RSRC1: variants seen among roughly 807,000 people sequenced by gnomAD.
RSRC1 encodes arginine and serine rich coiled-coil 1, also known as serine/Arginine-related protein 53.
RSRC1 carries 39 observed loss-of-function variants against 49.1 expected under a neutral mutation model. That is an observed-to-expected ratio of 0.79 (90% CI 0.61 to 1.04). The LOEUF (loss-of-function observed/expected upper bound fraction) is 1.04. Among genes scored for constraint, RSRC1 ranks in the 50% least tolerant of loss-of-function variants. The probability of loss-of-function intolerance (pLI) is 0.00; values close to 1 mark genes in which losing one functional copy is unlikely to be tolerated. For synonymous variants in RSRC1, 143 were observed against 130.8 expected, an observed-to-expected ratio of 1.09 and a Z score of -0.63; for missense variants, 388 against 402.4, an observed-to-expected ratio of 0.96 and a Z score of 0.31.
At chr3:158,124,298 C>T (rs534645484) in intron 3 of RSRC1, among the ~76,000 whole-genome samples, 6 of 152,074 alleles carry the variant, frequency 3.9e-5, no homozygotes, top group South Asian at 2.1e-4. Context: ...GGTGGTAGCA[C>T]GTGCGTTCCC....
intron 7 of RSRC1, among the ~76,000 whole-genome samples, chr3:158,508,070 G>A (rs921133215): frequency 2.6e-5 from 4 of 151,956 alleles, no homozygotes; most frequent in Admixed American, 1.3e-4. Context: ...GAGAGAGAGA[G>A]TCTGTCTACA....
chr3:158,403,395 T>C (rs1733991593), intron 6 of RSRC1, among the ~76,000 whole-genome samples: 1 of 151,770 alleles, frequency 6.6e-6, no homozygotes, highest in African/African-American at 2.4e-5. Flanking sequence ...TTTTGGTGAA[T>C]TATGGGGGTT....
rs115928050 is a variant in RSRC1 at position 158,246,563 on chromosome 3, C to G, written c.494+43318C>G. Among the ~76,000 whole-genome samples, 356 of 152,202 alleles carry G rather than the reference C, an allele frequency of 2.3e-3. 3 individuals carry two copies. The highest frequency in any genetic ancestry group is 4.5e-3 in the Non-Finnish European group (304 of 68,004). On this transcript the variant is annotated intron_variant, in intron 4 of 9. Transcript: ENST00000611884. ...AGTGTGCTTCCTTCAAGAGCCCTTA[C>G]AAGGCAGGTCTGGTGGTAATGAATT...
intron 6 of RSRC1, among the ~76,000 whole-genome samples, chr3:158,430,428 C>T (rs1735721906): frequency 6.6e-6 from 1 of 151,770 alleles, no homozygotes; most frequent in African/African-American, 2.4e-5. Context: ...GTTAGCTGCT[C>T]TCTGGCTACC....
At chr3:158,343,048 C>G (rs1365877299) in intron 5 of RSRC1, among the ~76,000 whole-genome samples, 1 of 152,200 alleles carries the variant, frequency 6.6e-6, no homozygotes, top group East Asian at 1.9e-4. Flanking sequence ...GAGATCCTCA[C>G]AGGGTGCCCC....
At chr3:158,161,500 G>A (rs577373204) in intron 3 of RSRC1, among the ~76,000 whole-genome samples, 10 of 152,286 alleles carry the variant, frequency 6.6e-5, no homozygotes, top group South Asian at 4.1e-4. Flanking sequence ...TGTGGCTCAC[G>A]CCTGTAATCC....
intron 4 of RSRC1, among the ~76,000 whole-genome samples, chr3:158,257,214 C>G (rs1005378053): frequency 1.3e-5 from 2 of 152,090 alleles, no homozygotes; most frequent in Non-Finnish European, 2.9e-5. Flanking sequence ...GCATTTAGTA[C>G]TATAAATTTC....
chr3:158,129,827 G>A (rs1484252827), intron 3 of RSRC1, among the ~76,000 whole-genome samples: 1 of 152,138 alleles, frequency 6.6e-6, no homozygotes, highest in Non-Finnish European at 1.5e-5. Flanking sequence ...TCAAAAGCTT[G>A]CTGGGACTTT....
chr3:158,166,691 A>C (rs973509123), intron 3 of RSRC1, among the ~76,000 whole-genome samples: 2 of 152,170 alleles, frequency 1.3e-5, no homozygotes, highest in African/African-American at 4.8e-5. Context: ...TTAGGAACTG[A>C]CTTAATTACT....
chr3:158,368,499 C>T (rs150933196), intron 6 of RSRC1, among the ~76,000 whole-genome samples: 273 of 152,336 alleles, frequency 1.8e-3, no homozygotes, highest in Non-Finnish European at 3.5e-3. Flanking sequence ...TGACAGGGAG[C>T]AGGTTCCCTT....
At chr3:158,171,714 C>T (rs1718892770) in intron 3 of RSRC1, among the ~76,000 whole-genome samples, 1 of 152,018 alleles carries the variant, frequency 6.6e-6, no homozygotes, top group Non-Finnish European at 1.5e-5. Flanking sequence ...CTTTGGGAGG[C>T]TCAGGCAGGA....
intron 4 of RSRC1, among the ~76,000 whole-genome samples, chr3:158,260,157 A>G (rs1724808152): frequency 6.6e-6 from 1 of 151,652 alleles, no homozygotes; most frequent in African/African-American, 2.4e-5. Context: ...AGTCTCTTCC[A>G]ATAGCCACCA....
chr3:158,148,786 C>CTTT (rs555372660), intron 3 of RSRC1, among the ~76,000 whole-genome samples: 1 of 145,566 alleles, frequency 6.9e-6, no homozygotes, highest in African/African-American at 2.5e-5. Context: ...CGAATATATA[C>CTTT]TTTTTTTTTT....
At chr3:158,195,034 T>A (rs973706246) in intron 3 of RSRC1, among the ~76,000 whole-genome samples, 3 of 152,240 alleles carry the variant, frequency 2.0e-5, no homozygotes, top group African/African-American at 2.4e-5. Flanking sequence ...GGCTGGGTCA[T>A]ATGGTATTTC....
intron 3 of RSRC1, among the ~76,000 whole-genome samples, chr3:158,187,911 A>G (rs917385382): frequency 1.3e-5 from 2 of 152,006 alleles, no homozygotes; most frequent in African/African-American, 2.4e-5. Context: ...TTCAAATAAC[A>G]GATATATAAA....
At chr3:158,221,843 A>T (rs1722236509) in intron 4 of RSRC1, among the ~76,000 whole-genome samples, 2 of 151,544 alleles carry the variant, frequency 1.3e-5, no homozygotes, top group South Asian at 2.1e-4. Context: ...TAATTTTTTT[A>T]AAAGAGGTAT....
intron 7 of RSRC1, among the ~76,000 whole-genome samples, chr3:158,535,483 C>T (rs1033947507): frequency 5.3e-5 from 8 of 150,212 alleles, no homozygotes; most frequent in Admixed American, 2.7e-4. Flanking sequence ...TCATATCTCA[C>T]GTACTGAAGA....
chr3:158,320,870 T>C (rs1027519392), intron 5 of RSRC1, among the ~76,000 whole-genome samples: 3 of 152,138 alleles, frequency 2.0e-5, no homozygotes, highest in Admixed American at 2.0e-4. Flanking sequence ...AATTAGTTAA[T>C]TATCATATCA....
At chr3:158,303,193 G>C (rs897034845) in intron 5 of RSRC1, 2 of 152,164 alleles carry the variant, frequency 1.3e-5, no homozygotes, top group Non-Finnish European at 2.9e-5. Context: ...TAAAAATGAT[G>C]CTATCCTTTT....
Sources: allele counts gnomAD v4.1 joint callset (sites outside exome capture counted in the v4.1 genomes callset), GRCh38; gene constraint gnomAD v4.1.1; transcripts MANE v1.5; gene names NCBI Gene and HGNC (gene_info 2026-07-23, HGNC 2026-07-21).